Variants in PRUNE2 observed in about 807,000 individuals in gnomAD.
The protein encoded by PRUNE2 is prune homolog 2 with BCH domain.
In PRUNE2, 164 loss-of-function variants were observed where a neutral mutation model predicts 252.0. The observed-to-expected ratio is 0.65, with a 90% CI of 0.57 to 0.74. The LOEUF (loss-of-function observed/expected upper bound fraction) is 0.74. PRUNE2 is among the 30% of genes least tolerant of loss of function. PRUNE2 has a pLI of 0.00. For missense variants in PRUNE2, 3,495 were observed against 3,711.0 expected, an observed-to-expected ratio of 0.94 and a Z score of 1.51; for synonymous variants, 1,292 against 1,350.2, an observed-to-expected ratio of 0.96 and a Z score of 0.94.
chr9:76,726,512 A>T (rs946251544), intron 6 of PRUNE2, among the ~76,000 whole-genome samples: 11 of 152,240 alleles, frequency 7.2e-5, no homozygotes, highest in African/African-American at 2.2e-4. Context: ...GCTTGGAAAG[A>T]TAAGTTTAGT....
intron 13 of PRUNE2, 21 bp downstream of exon 13, chr9:76,638,164 CT>C (rs750442995): frequency 6.6e-7 from 1 of 1,507,134 alleles, no homozygotes; most frequent in Non-Finnish European, 9.2e-7. Flanking sequence ...ACTCAAAGCA[CT>C]TTGTCATAAG....
At chr9:76,846,741 T>C in intron 3 of PRUNE2, 63 bp from the exon 4 acceptor site, 1 of 1,415,014 alleles carries the variant, frequency 7.1e-7, no homozygotes, top group South Asian at 1.3e-5. Flanking sequence ...CTTTTTGGAA[T>C]GTTTAAATCT....
chr9:76,902,592 A>C (rs1589853963), intron 1 of PRUNE2, among the ~76,000 whole-genome samples: 1 of 152,112 alleles, frequency 6.6e-6, no homozygotes, highest in East Asian at 1.9e-4. Flanking sequence ...TACTGTTATT[A>C]TTGCTTTAAC....
intron 9 of PRUNE2, among the ~76,000 whole-genome samples, chr9:76,698,984 A>G (rs915337836): frequency 2.6e-5 from 4 of 151,936 alleles, no homozygotes; most frequent in African/African-American, 4.8e-5. Flanking sequence ...ATGTCTCAAT[A>G]CTGTTTCAAA....
intron 9 of PRUNE2, among the ~76,000 whole-genome samples, chr9:76,659,075 G>A (rs1850311502): frequency 1.3e-5 from 2 of 152,244 alleles, no homozygotes; most frequent in African/African-American, 4.8e-5. Flanking sequence ...CTGTGGAGGG[G>A]CTCGGCCAGG....
Position 76,799,503 on chromosome 9 carries a change from T to G in PRUNE2, c.756+24129A>C, listed in dbSNP as rs181673840. Among the ~76,000 whole-genome samples, 314 of 152,280 alleles carry G rather than the reference T, an allele frequency of 2.1e-3. 3 individuals are homozygous for G. The highest frequency in any genetic ancestry group is 2.0e-3 in the Non-Finnish European group (137 of 68,018). ...TAATTTAATATTGAACAAGGAAGAA[T>G]ATGATGTTCAGGATGTGTGCATGGT... On this transcript the variant is annotated intron_variant, in intron 6 of 18. Transcript: ENST00000376718.
At chr9:76,724,195 A>G (rs1275314809) in intron 6 of PRUNE2, among the ~76,000 whole-genome samples, 1 of 148,010 alleles carries the variant, frequency 6.8e-6, no homozygotes, top group African/African-American at 2.5e-5. Context: ...GCGGTGGCTC[A>G]TGCTTATAAT....
intron 13 of PRUNE2, 140 bp downstream of exon 13, chr9:76,638,046 C>T: frequency 3.2e-6 from 2 of 628,516 alleles, no homozygotes; most frequent in Non-Finnish European, 5.7e-6. Context: ...GAGCAACATT[C>T]CTTGACAGAA....
At chr9:76,679,253 C>T (rs2043157774) in intron 9 of PRUNE2, among the ~76,000 whole-genome samples, 2 of 152,254 alleles carry the variant, frequency 1.3e-5, no homozygotes, top group South Asian at 2.1e-4. Context: ...ATTGCTGTTA[C>T]CATCATTTCA....
At chr9:76,781,547 C>G (rs2054395528) in intron 6 of PRUNE2, among the ~76,000 whole-genome samples, 1 of 152,198 alleles carries the variant, frequency 6.6e-6, no homozygotes, top group African/African-American at 2.4e-5. Context: ...CTTTGGAGAA[C>G]TTACACACCT....
At chr9:76,757,564 A>C (rs12335660) in intron 6 of PRUNE2, among the ~76,000 whole-genome samples, 1,862 of 152,302 alleles carry the variant, frequency 0.012, 34 homozygotes, top group African/African-American at 0.042. Flanking sequence ...CCAATAAATC[A>C]CTGCCAGAGT....
chr9:76,857,920 C>T (rs1008531418), intron 1 of PRUNE2, among the ~76,000 whole-genome samples: 2 of 152,130 alleles, frequency 1.3e-5, no homozygotes, highest in Admixed American at 1.3e-4. Flanking sequence ...AGACTCCTGA[C>T]CCCAAAGATC....
Position 76,637,630 on chromosome 9 carries a change from G to T in PRUNE2, c.8832-81C>A, listed in dbSNP as rs544321081. On this transcript the variant is annotated intron_variant, in intron 13 of 18. Transcript: ENST00000376718. ...AATTACATAACATCAAAAGTACAGG[G>T]TGTATGAAATTTAAGAATGATTGTG... The T allele has an allele frequency of 6.6e-5, 86 of 1,304,606 alleles. No homozygotes were observed. In the South Asian group the frequency reaches 8.0e-4, roughly 12 times the overall value. The allele number at this position is 1,304,606 out of a possible 1,614,324, so 80.8% of individuals were successfully genotyped here. A position where few individuals can be genotyped will look rare whatever the true frequency, so the allele number is the denominator to read the frequency against.
chr9:76,637,610 C>T (rs1840726851), intron 13 of PRUNE2, 61 bp from the exon 14 acceptor site: 3 of 1,475,454 alleles, frequency 2.0e-6, no homozygotes, highest in African/African-American at 1.4e-5. Flanking sequence ...ACCATAATTA[C>T]ATAACATCAA....
rs1300352156 is a variant in PRUNE2, at chr9:76,879,898, TATA to T, written c.37-25693_37-25691del. On this transcript the variant is annotated intron_variant, in intron 1 of 18. Transcript: ENST00000376718. Reference sequence around the variant, plus strand: ...CCTGTCATATATATATATATATATATATATATTTTTTTTTTTTTTTTTTTTTTT... The same window carrying T: ...CCTGTCATATATATATATATATATATTATTTTTTTTTTTTTTTTTTTTTTT... Among the ~76,000 whole-genome samples the T allele has an allele frequency of 1.5e-3, 137 of 92,786 alleles. 2 individuals carry two copies. Among genetic ancestry groups the T allele is most frequent in the African/African-American group, 7.1e-3 (125 of 17,494 alleles). The allele number at this position is 92,786 out of a possible 152,430, so 60.9% of individuals were successfully genotyped here. A position where few individuals can be genotyped will look rare whatever the true frequency, so the allele number is the denominator to read the frequency against.
chr9:76,774,952 C>T (rs2053577933), intron 6 of PRUNE2, among the ~76,000 whole-genome samples: 1 of 152,072 alleles, frequency 6.6e-6, no homozygotes, highest in Non-Finnish European at 1.5e-5. Flanking sequence ...GTAATGGGAA[C>T]ACTAATATCT....
At chr9:76,638,969 T>A (rs1725123113) in intron 12 of PRUNE2, among the ~76,000 whole-genome samples, 1 of 152,218 alleles carries the variant, frequency 6.6e-6, no homozygotes. Context: ...CACCAATGGG[T>A]ATGTAGAGTT....
chr9:76,650,600 T>C (rs1847012164), intron 11 of PRUNE2, among the ~76,000 whole-genome samples: 1 of 152,212 alleles, frequency 6.6e-6, no homozygotes, highest in African/African-American at 2.4e-5. Flanking sequence ...CTTTGTGTTT[T>C]CAAAGTTTCA....
intron 6 of PRUNE2, among the ~76,000 whole-genome samples, chr9:76,768,623 G>GTGTGTGTATATA (rs1491356086): frequency 7.7e-6 from 1 of 130,152 alleles, no homozygotes; most frequent in African/African-American, 2.8e-5. Context: ...GTGTGTGTGT[G>GTGTGTGTATATA]TATATCCCTG....
Sources: gnomAD v4.1 joint callset for allele counts (sites outside exome capture counted in the v4.1 genomes callset) on GRCh38, gnomAD v4.1.1 for gene constraint, MANE v1.5 for transcripts, NCBI Gene and HGNC (gene_info 2026-07-23, HGNC 2026-07-21) for gene names.